The following PRIM2 variants were observed in gnomAD, a reference collection of about 807,000 sequenced individuals.
PRIM2 encodes DNA primase subunit 2.
Under a neutral mutation model 67.3 loss-of-function variants are expected in PRIM2, and 39 were observed. The observed-to-expected ratio is 0.58, with a 90% CI of 0.45 to 0.76. PRIM2 has a LOEUF of 0.76. PRIM2 is among the 30% of genes least tolerant of loss of function. The pLI is 0.00. For synonymous variants in PRIM2, 143 were observed against 198.7 expected, an observed-to-expected ratio of 0.72 and a Z score of 2.36; for missense variants, 398 against 598.7, an observed-to-expected ratio of 0.66 and a Z score of 3.50.
At chr6:57,598,636 C>T (rs1776409299) in intron 10 of PRIM2, among the ~76,000 whole-genome samples, 3 of 152,016 alleles carry the variant, frequency 2.0e-5, no homozygotes, top group Admixed American at 6.6e-5. Context: ...TCTGCAATCC[C>T]AGGGCTTTAG....
intron 10 of PRIM2, among the ~76,000 whole-genome samples, chr6:57,545,796 A>G (rs1359752150): frequency 2.6e-5 from 4 of 152,216 alleles, no homozygotes; most frequent in African/African-American, 9.6e-5. Flanking sequence ...AGATAAATAC[A>G]AATGTACAGA....
At chr6:57,338,938 T>A (rs1480465939) in intron 5 of PRIM2, among the ~76,000 whole-genome samples, 1 of 152,218 alleles carries the variant, frequency 6.6e-6, no homozygotes, top group African/African-American at 2.4e-5. Context: ...GATGACATGA[T>A]TGTATATCTA....
At chr6:57,518,732 T>C (rs1263753064) in intron 8 of PRIM2, among the ~76,000 whole-genome samples, 1 of 152,216 alleles carries the variant, frequency 6.6e-6, no homozygotes, top group African/African-American at 2.4e-5. Context: ...AAATGCTTTT[T>C]ATCTTTGTAG....
intron 10 of PRIM2, among the ~76,000 whole-genome samples, chr6:57,572,490 TATG>T (rs1429728863): frequency 2.6e-5 from 4 of 152,348 alleles, no homozygotes; most frequent in Non-Finnish European, 5.9e-5. Context: ...GTTTGTGGGA[TATG>T]ATGTTTTCAT....
intron 8 of PRIM2, among the ~76,000 whole-genome samples, chr6:57,527,252 C>G (rs1774776163): frequency 6.6e-6 from 1 of 152,220 alleles, no homozygotes; most frequent in Non-Finnish European, 1.5e-5. Context: ...CTTGTATTTT[C>G]ATAATTTCTT....
chr6:57,569,100 G>T (rs1775810208), intron 10 of PRIM2, among the ~76,000 whole-genome samples: 1 of 152,136 alleles, frequency 6.6e-6, no homozygotes, highest in Non-Finnish European at 1.5e-5. Flanking sequence ...ATTTAACTTG[G>T]TTCATTTTAT....
At chr6:57,305,435 T>C in the PRIM2 span, among the ~76,000 whole-genome samples, 4 of 152,238 alleles carry the variant, frequency 2.6e-5, no homozygotes, top group South Asian at 8.3e-4. Context: ...CAAGATAGTC[T>C]GCTTGGTCTC....
chr6:57,615,522 A>G (rs1343002115), intron 12 of PRIM2, among the ~76,000 whole-genome samples: 1 of 151,736 alleles, frequency 6.6e-6, no homozygotes, highest in African/African-American at 2.4e-5. Context: ...AGTTTTTTCT[A>G]TTGTGGAAAG....
At chr6:57,337,266 T>C (rs1387405430) in intron 5 of PRIM2, among the ~76,000 whole-genome samples, 1 of 151,810 alleles carries the variant, frequency 6.6e-6, no homozygotes, top group Non-Finnish European at 1.5e-5. Context: ...TAATGGGAGA[T>C]TTTAACACCC....
At chr6:57,428,686 C>G (rs1771712976) in intron 7 of PRIM2, among the ~76,000 whole-genome samples, 1 of 152,010 alleles carries the variant, frequency 6.6e-6, no homozygotes, top group African/African-American at 2.4e-5. Context: ...ATATGGTTCT[C>G]TAGGCTTCCC....
the PRIM2 span, among the ~76,000 whole-genome samples, chr6:57,242,032 T>G: frequency 6.6e-6 from 1 of 152,138 alleles, no homozygotes; most frequent in Admixed American, 6.6e-5. Context: ...ACATTAAAAT[T>G]TTCTGTGTCA....
At chr6:57,316,119 ACT>A (rs1767476585), upstream of PRIM2, among the ~76,000 whole-genome samples, 2 of 152,074 alleles carry the variant, frequency 1.3e-5, no homozygotes, top group African/African-American at 4.8e-5. Flanking sequence ...TGTCCTTTTG[ACT>A]TCATTTAACT....
chr6:57,512,380 A>G (rs1554347794), intron 8 of PRIM2, among the ~76,000 whole-genome samples: 4 of 152,082 alleles, frequency 2.6e-5, no homozygotes, highest in Non-Finnish European at 5.9e-5. Flanking sequence ...GTAAGAGGGA[A>G]TAATTGAAGG....
At chr6:57,346,920 A>G (rs1312566362) in intron 5 of PRIM2, among the ~76,000 whole-genome samples, 1 of 152,308 alleles carries the variant, frequency 6.6e-6, no homozygotes, top group African/African-American at 2.4e-5. Flanking sequence ...GAATATATCC[A>G]TTCTGCTACT....
the PRIM2 span, among the ~76,000 whole-genome samples, chr6:57,293,694 G>C: frequency 6.6e-6 from 1 of 152,132 alleles, no homozygotes; most frequent in Non-Finnish European, 1.5e-5. Context: ...CAGCGACATG[G>C]GTGAAGCTGG....
intron 7 of PRIM2, among the ~76,000 whole-genome samples, chr6:57,390,590 G>A (rs1360175401): frequency 6.6e-6 from 1 of 152,068 alleles, no homozygotes; most frequent in East Asian, 1.9e-4. Flanking sequence ...TTTTCTGTGT[G>A]TGCAAGAGTT....
chr6:57,399,727 G>T (rs553510130), intron 7 of PRIM2, among the ~76,000 whole-genome samples: 1 of 151,832 alleles, frequency 6.6e-6, no homozygotes, highest in African/African-American at 2.4e-5. Flanking sequence ...TTTAATGATC[G>T]CCATTCTAAC....
At chr6:57,422,720 T>A (rs1055203088) in intron 7 of PRIM2, among the ~76,000 whole-genome samples, 3 of 152,042 alleles carry the variant, frequency 2.0e-5, no homozygotes, top group Non-Finnish European at 4.4e-5. Flanking sequence ...TTTTTTTACA[T>A]GGTATGGCTA....
At chr6:57,364,311 G>A (rs1474308077) in intron 5 of PRIM2, among the ~76,000 whole-genome samples, 3 of 152,042 alleles carry the variant, frequency 2.0e-5, no homozygotes, top group East Asian at 3.8e-4. Flanking sequence ...CCCTCCCACA[G>A]CCTTTTTTCA....
Sources: gnomAD v4.1 joint callset for allele counts (sites outside exome capture counted in the v4.1 genomes callset) on GRCh38, gnomAD v4.1.1 for gene constraint, MANE v1.5 for transcripts, NCBI Gene and HGNC (gene_info 2026-07-23, HGNC 2026-07-21) for gene names.